The following PRPF8 variants were observed in gnomAD, a reference collection of about 807,000 sequenced individuals.
The protein encoded by PRPF8 is pre-mRNA-processing-splicing factor 8.
Under a neutral mutation model 285.9 loss-of-function variants are expected in PRPF8, and 64 were observed. The ratio of observed to expected loss-of-function variants is 0.22; its 90% CI spans 0.18 to 0.28. PRPF8 has a LOEUF of 0.28. PRPF8 is among the 10% of genes least tolerant of loss of function. PRPF8 has a pLI of 1.00. For missense variants in PRPF8, 1,426 were observed against 3,026.7 expected (o/e 0.47, Z 12.41); for synonymous variants, 1,325 against 1,118.2 (o/e 1.18, Z -3.69).
intron 3 of PRPF8, chr17:1,682,997 A>ATT (rs568405779): frequency 0.015 from 2,404 of 158,580 alleles, 65 homozygotes; most frequent in African/African-American, 0.05. Flanking sequence ...CTTATTTTTC[A>ATT]TTTTTTTTTT....
intron 30 of PRPF8, among the ~76,000 whole-genome samples, chr17:1,660,214 G>C (rs574409865): frequency 2.0e-5 from 3 of 149,608 alleles, no homozygotes; most frequent in Non-Finnish European, 4.5e-5. Context: ...CTCTCCCCGC[G>C]ATTCCACCTA....
intron 24 of PRPF8, among the ~76,000 whole-genome samples, chr17:1,670,773 C>T (rs1912268857): frequency 6.6e-6 from 1 of 152,132 alleles, no homozygotes; most frequent in Admixed American, 6.6e-5. Context: ...AGGCGTGAGC[C>T]CCCGCGCCTG....
At chr17:1,665,159 CAAAAAAAAAA>C (rs562789942) in intron 24 of PRPF8, among the ~76,000 whole-genome samples, 2 of 53,512 alleles carry the variant, frequency 3.7e-5, no homozygotes, top group African/African-American at 1.2e-4. Context: ...GACTCTGCCT[CAAAAAAAAAA>C]AAAAAAAAAA....
At chr17:1,681,223 C>T (rs1035004331) in intron 6 of PRPF8, among the ~76,000 whole-genome samples, 169 bp from the exon 7 acceptor site, 3 of 152,020 alleles carry the variant, frequency 2.0e-5, no homozygotes, top group African/African-American at 4.8e-5. Context: ...TGAGACTACA[C>T]GAAGCTGTGA....
intron 24 of PRPF8, among the ~76,000 whole-genome samples, chr17:1,664,872 A>G (rs1017448205): frequency 3.9e-5 from 6 of 152,116 alleles, no homozygotes. Context: ...AATGTGAGGA[A>G]TGGGGCCGGG....
Position 1,682,016 on chromosome 17 carries a change from G to A in PRPF8, c.457C>T (p.Arg153Ter). ...QWGSMWIMMR[R>*]EKRDRRHFKR... ...AAATGCCTCCTATCTCTTTTTTCTC[G>A]GCGCATCATAATCCACATTGACCTG... The change falls in exon 5 of 43, where the codon CGA (arginine) becomes TGA (stop). Residue 153 changes from arginine (R) to a stop codon, truncating the protein, a stop_gained. Coordinates refer to ENST00000304992, the MANE Select transcript of PRPF8 (RefSeq NM_006445.4). LOFTEE classifies it high-confidence loss of function. 6.2e-7 allele frequency: 1 copy of A among 1,613,626 alleles called. No homozygotes were observed. The highest frequency in any genetic ancestry group is 8.5e-7 in the Non-Finnish European group (1 of 1,179,928).
rs772227465 is a variant in PRPF8 at position 1,680,919 on chromosome 17, G to A, written c.992+10C>T. On this transcript the variant is annotated intron_variant, in intron 7 of 42. Coordinates refer to ENST00000304992, the MANE Select transcript of PRPF8 (RefSeq NM_006445.4). ...TCTCCTTTCCAAATGTTGTGTTCCA[G>A]GTCTCTTACCAGGTGAGGTGGACAT... is the stretch of plus-strand genomic sequence containing the variant. 6.2e-7 allele frequency: 1 copy of A among 1,614,122 alleles called. No individual in the cohort carries two copies. Among genetic ancestry groups the A allele is most frequent in the East Asian group, 2.2e-5 (1 of 44,888 alleles).
rs994521519 is a variant in PRPF8 at position 1,679,881 on chromosome 17, G to A, written c.1099-82C>T. 6.6e-7 allele frequency: 1 copy of A among 1,511,318 alleles called. No individual in the cohort carries two copies. Among genetic ancestry groups the A allele is most frequent in the Non-Finnish European group, 9.2e-7 (1 of 1,086,590 alleles). The allele number at this position is 1,511,318 out of a possible 1,614,324, so 93.6% of individuals were successfully genotyped here. ...GATGAGGGAAATTCTCTGGGGCCAA[G>A]CACAAAGCCTGTATCTGCTATGGAA... is the stretch of plus-strand genomic sequence containing the variant. On this transcript the variant is annotated intron_variant, in intron 8 of 42. Transcript: ENST00000304992. This position sits in a 1 kb window ranked among gnomAD's most constrained non-coding sequence, Gnocchi z 4.7.
Position 1,673,688 on chromosome 17 carries a change from CCT to C in PRPF8, c.3446+56_3446+57del, listed in dbSNP as rs1912450191. On this transcript the variant is annotated intron_variant, in intron 22 of 42. Coordinates refer to ENST00000304992, the MANE Select transcript of PRPF8 (RefSeq NM_006445.4). This position sits in a 1 kb window ranked among gnomAD's most constrained non-coding sequence, Gnocchi z 5.5. Reference sequence around the variant, plus strand: ...ACCCAGGACGCAGCCTCAGGTATGCCCTCTCTGGGCCCTTAGCTTATGTCCTT... The same window carrying C: ...ACCCAGGACGCAGCCTCAGGTATGCCCTCTGGGCCCTTAGCTTATGTCCTT... 5.6e-6 allele frequency: 9 copies of C among 1,612,732 alleles called. No individual in the cohort carries two copies. Among genetic ancestry groups the C allele is most frequent in the African/African-American group, 4.0e-5 (3 of 74,876 alleles).
chr17:1,674,029 A>T (rs1356346042), intron 21 of PRPF8, 137 bp from the exon 22 acceptor site: 1 of 985,214 alleles, frequency 1.0e-6, no homozygotes, highest in East Asian at 2.6e-5. Flanking sequence ...TTTTATTTTT[A>T]TTTATTTATT....
Position 1,676,187 on chromosome 17 carries a change from C to G in PRPF8, c.2552+20G>C, listed in dbSNP as rs768817640. Reference sequence around the variant, plus strand: ...CTGCTGTCACCTTCCCAGCAGGAACCTATCTACCCTACTACTCACCTATAA... The same window carrying G: ...CTGCTGTCACCTTCCCAGCAGGAACGTATCTACCCTACTACTCACCTATAA... On this transcript the variant is annotated intron_variant, in intron 17 of 42. Transcript: ENST00000304992. This position sits in a 1 kb window ranked among gnomAD's most constrained non-coding sequence, Gnocchi z 6.3. The G allele has an allele frequency of 6.2e-7, 1 of 1,613,116 alleles. No homozygotes were observed. The highest frequency in any genetic ancestry group is 2.2e-5 in the East Asian group (1 of 44,880).
At chr17:1,680,651 G>GCAAA in intron 8 of PRPF8, 75 bp downstream of exon 8, 1 of 1,336,620 alleles carries the variant, frequency 7.5e-7, no homozygotes, top group Non-Finnish European at 1.1e-6. Context: ...CTCCACCTGA[G>GCAAA]CGTTTAGTAA....
Position 1,658,170 on chromosome 17 carries a change from T to C in PRPF8, c.5505+83A>G. ...GAGATGTTCTCAGCCTTTCATCTAA[T>C]AAACCAGTAAATATTACCAAGTCCA... On this transcript the variant is annotated intron_variant, in intron 34 of 42. Coordinates refer to ENST00000304992, the MANE Select transcript of PRPF8 (RefSeq NM_006445.4). This position sits in a 1 kb window ranked among gnomAD's most constrained non-coding sequence, Gnocchi z 4.1. 5 of 1,596,652 alleles carry C rather than the reference T, an allele frequency of 3.1e-6. No homozygotes were observed. In the East Asian group the frequency reaches 1.1e-4, roughly 36 times the overall value.
At position 1,681,696 on chromosome 17, in the gene PRPF8, T is replaced by TA. The variant is rs1912936181; in HGVS notation, c.654-7dup. 5 of 1,613,750 alleles carry TA rather than the reference T, an allele frequency of 3.1e-6. No individual in the cohort carries two copies. The highest frequency in any genetic ancestry group is 3.4e-6 in the Non-Finnish European group (4 of 1,179,882). ...AAGTGGAGCCATTTACATACCTAGG[T>TA]AAAAAATGAAAGGCCCACCTCAAGT... On this transcript the variant is annotated splice_region_variant and splice_polypyrimidine_tract_variant and intron_variant, in intron 5 of 42. Coordinates refer to ENST00000304992, the MANE Select transcript of PRPF8 (RefSeq NM_006445.4).
rs765105762 is a variant in PRPF8, at chr17:1,651,323, C to T, written c.6651-13G>A. 4.8e-5 allele frequency: 77 copies of T among 1,613,914 alleles called. No individual in the cohort carries two copies. The highest frequency in any genetic ancestry group is 6.0e-5 in the Non-Finnish European group (71 of 1,180,008). On this transcript the variant is annotated splice_polypyrimidine_tract_variant and intron_variant, in intron 41 of 42. Coordinates refer to ENST00000304992, the MANE Select transcript of PRPF8 (RefSeq NM_006445.4). The surrounding 1 kb of genome is among the most constrained non-coding windows in gnomAD (Gnocchi z 5.1). ...GCCTGGCGTGAAGCTGGGGGAGGAA[C>T]GAGGACAGAGTAACAGCTCAGGCCA...
chr17:1,665,366 G>A (rs1363232674), intron 24 of PRPF8, among the ~76,000 whole-genome samples: 2 of 149,604 alleles, frequency 1.3e-5, no homozygotes, highest in Admixed American at 6.7e-5. Flanking sequence ...GGTGAAACCC[G>A]TCTCTACTAC....
rs55844413 is a variant in PRPF8 at position 1,666,705 on chromosome 17, T to C, written c.3775-4552A>G. On this transcript the variant is annotated intron_variant, in intron 24 of 42. Coordinates refer to ENST00000304992, the MANE Select transcript of PRPF8 (RefSeq NM_006445.4). ...AAGGCAAAAAATGTCTTCTGAACAA[T>C]TATTGAGGTGAAAGAGTGCGTTGGC... Among the ~76,000 whole-genome samples the C allele has an allele frequency of 5.8e-3, 876 of 152,086 alleles. 4 individuals carry two copies. Among genetic ancestry groups the C allele is most frequent in the Non-Finnish European group, 1.0e-2 (677 of 67,996 alleles).
chr17:1,651,012 C>T lies in PRPF8; in HGVS notation c.6854-56G>A, dbSNP rs1911019396. 36 of 1,613,828 alleles carry T rather than the reference C, an allele frequency of 2.2e-5. No individual in the cohort carries two copies. The highest frequency in any genetic ancestry group is 3.3e-5 in the Admixed American group (2 of 60,008). On this transcript the variant is annotated intron_variant, in intron 42 of 42. Transcript: ENST00000304992. The surrounding 1 kb of genome is among the most constrained non-coding windows in gnomAD (Gnocchi z 5.1). ...CAGGGCTCCTGCCTCATGCAGCCTG[C>T]GCCACCTCCAAGCCAGCCAGGCCCC...
intron 36 of PRPF8, 25 bp downstream of exon 36, chr17:1,656,367 G>C: frequency 1.2e-6 from 2 of 1,614,044 alleles, no homozygotes; most frequent in South Asian, 1.1e-5. Flanking sequence ...CTCCTCCAGC[G>C]ATCTTCTCTT....
Sources: allele counts gnomAD v4.1 joint callset (sites outside exome capture counted in the v4.1 genomes callset), GRCh38; gene constraint gnomAD v4.1.1; non-coding constraint Gnocchi (gnomAD v3.1); transcripts MANE v1.5; gene names NCBI Gene and HGNC (gene_info 2026-07-23, HGNC 2026-07-21).